INIP: variants seen among roughly 807,000 people sequenced by gnomAD.
The protein encoded by INIP is SOSS complex subunit C.
A neutral mutation model predicts 14.0 loss-of-function variants in INIP; 9 were observed. The ratio of observed to expected loss-of-function variants is 0.64; its 90% confidence interval spans 0.39 to 1.12. INIP has a LOEUF of 1.12. INIP is among the 50% of genes most tolerant of loss of function. The pLI, the probability that INIP is intolerant of heterozygous loss-of-function variation, is 0.01. For synonymous variants in INIP, 37 were observed against 41.5 expected, an observed-to-expected ratio of 0.89 and a Z score of 0.41; for missense variants, 78 against 122.7, an observed-to-expected ratio of 0.64 and a Z score of 1.72.
In INIP at chr9:112,684,330, A is replaced by C. The variant is rs953694166; in HGVS notation, c.*3208T>G. 11 of 152,036 alleles carry C rather than the reference A, an allele frequency of 7.2e-5. No individual in the cohort carries two copies. Among genetic ancestry groups the C allele is most frequent in the African/African-American group, 2.4e-4 (10 of 41,384 alleles). The allele number at this position is 152,036 out of a possible 1,614,324, so 9.4% of individuals were successfully genotyped here. ...GTGGGAGGATCGAGAGGACTGCTTG[A>C]GGCCAAGAGTTCAAGACCAGCCTGG... On this transcript the variant is annotated 3_prime_UTR_variant, in exon 5 of 5. Transcript: ENST00000374242.
intron 2 of INIP, among the ~76,000 whole-genome samples, chr9:112,696,350 G>A (rs887118090): frequency 3.9e-5 from 6 of 152,064 alleles, no homozygotes; most frequent in Non-Finnish European, 7.3e-5. Context: ...CGTCATGACT[G>A]GCTCCACCCA....
chr9:112,693,414 G>A (rs1837962560), intron 3 of INIP, among the ~76,000 whole-genome samples: 1 of 152,056 alleles, frequency 6.6e-6, no homozygotes, highest in Admixed American at 6.6e-5. Flanking sequence ...TACTCCATTC[G>A]TTTTCTCCAT....
In INIP at chr9:112,689,574, G is replaced by A; in HGVS notation, c.172C>T (p.His58Tyr). Residue 58 changes from histidine (H) to tyrosine (Y), a missense_variant, in exon 4 of 5, where the codon CAC (histidine) becomes TAC (tyrosine). Physicochemically the swap from His to Tyr is moderately conservative, Grantham distance 83. Transcript: ENST00000374242. ...GCTGCAATATGCTGCTGCTCAGCGTGATCCCGGAAGTCCTTATTAAGAGAG... is the reference window on the plus strand; with the variant it reads ...GCTGCAATATGCTGCTGCTCAGCGTAATCCCGGAAGTCCTTATTAAGAGAG... ...RPSLNKDFRD[H>Y]AEQQHIAAQQ... 1 of 1,614,178 alleles carries A rather than the reference G, an allele frequency of 6.2e-7. No homozygotes were observed. Among genetic ancestry groups the A allele is most frequent in the African/African-American group, 1.3e-5 (1 of 75,056 alleles).
At chr9:112,704,067 C>T (rs908534420) in intron 2 of INIP, among the ~76,000 whole-genome samples, 10 of 152,144 alleles carry the variant, frequency 6.6e-5, no homozygotes, top group Non-Finnish European at 1.3e-4. Context: ...TAGCCGTATA[C>T]TTTTTTGTTT....
chr9:112,695,283 C>T (rs560571456), intron 2 of INIP, among the ~76,000 whole-genome samples: 2 of 145,100 alleles, frequency 1.4e-5, no homozygotes, highest in Non-Finnish European at 3.0e-5. Flanking sequence ...AAGATAAGGA[C>T]GATGATGGCT....
chr9:112,694,218 T>C lies in INIP; in HGVS notation c.41A>G (p.Asn14Ser). The C allele has an allele frequency of 6.2e-7, 1 of 1,606,590 alleles. No homozygotes were observed. The highest frequency in any genetic ancestry group is 8.5e-7 in the Non-Finnish European group (1 of 1,176,390). Residue 14 changes from asparagine (N) to serine (S), a missense_variant, in exon 3 of 5, where the codon AAT becomes AGT. Asn to Ser is a conservative substitution (Grantham distance 46). Coordinates refer to ENST00000374242, the MANE Select transcript of INIP (RefSeq NM_021218.3). ...NSSGQGFQNKNRVAILAELDK... is the reference protein window; with the variant it reads ...NSSGQGFQNKSRVAILAELDK... Reference sequence around the variant, plus strand: ...CAGTTCTGCCAAGATTGCAACTCTATTTTTGTTTTGAAAACCTAAAAAAAA... The same window carrying C: ...CAGTTCTGCCAAGATTGCAACTCTACTTTTGTTTTGAAAACCTAAAAAAAA...
Position 112,716,563 on chromosome 9 carries a change from A to G in INIP, c.-56-22T>C, listed in dbSNP as rs1177980205. 4.3e-6 allele frequency: 5 copies of G among 1,160,406 alleles called. No individual in the cohort carries two copies. The Admixed American group carries it at 5.1e-5, about 12-fold the overall frequency. The allele number at this position is 1,160,406 out of a possible 1,614,324, so 71.9% of individuals were successfully genotyped here. On this transcript the variant is annotated intron_variant, in intron 1 of 4. Transcript: ENST00000374242. ...TCACCTATAAAATATGTGTACACACATATACAATGCACCATATTTTAATCA... is the reference window on the plus strand; with the variant it reads ...TCACCTATAAAATATGTGTACACACGTATACAATGCACCATATTTTAATCA...
In INIP at chr9:112,689,612, G is replaced by A. The variant is rs1247992378; in HGVS notation, c.134C>T (p.Ala45Val). The A allele has an allele frequency of 6.2e-7, 1 of 1,613,426 alleles. No homozygotes were observed. The highest frequency in any genetic ancestry group is 2.2e-5 in the East Asian group (1 of 44,878). ...CTTATTAAGAGAGGGTCTCGAGAGT[G>A]CAATGCTAAAATGGGAATCTTGGTT... ...SSTNHPGASI[A>V]LSRPSLNKDF... Residue 45 changes from alanine (A) to valine (V), a missense_variant, in exon 4 of 5, where the codon GCA (alanine) becomes GTA (valine). Ala to Val is a moderately conservative substitution (Grantham distance 64). Coordinates refer to ENST00000374242, the MANE Select transcript of INIP (RefSeq NM_021218.3).
At chr9:112,703,976 C>A (rs562703687) in intron 2 of INIP, among the ~76,000 whole-genome samples, 65 of 152,122 alleles carry the variant, frequency 4.3e-4, no homozygotes, top group Non-Finnish European at 9.0e-4. Context: ...TATCCAATGT[C>A]TTATTATATT....
chr9:112,711,172 A>G (rs908662424), intron 2 of INIP, among the ~76,000 whole-genome samples: 1 of 151,578 alleles, frequency 6.6e-6, no homozygotes, highest in Non-Finnish European at 1.5e-5. Context: ...CCTGCCTCTT[A>G]AAAAAAAATT....
chr9:112,695,429 G>A (rs1301739056), intron 2 of INIP, among the ~76,000 whole-genome samples: 1 of 152,040 alleles, frequency 6.6e-6, no homozygotes, highest in Non-Finnish European at 1.5e-5. Flanking sequence ...TAAACAGGAA[G>A]AATTAGGTGG....
intron 2 of INIP, among the ~76,000 whole-genome samples, chr9:112,697,409 G>T (rs1451646563): frequency 6.6e-6 from 1 of 152,166 alleles, no homozygotes; most frequent in Admixed American, 6.5e-5. Context: ...GGTTATTCAA[G>T]ACCTTATGTC....
chr9:112,693,449 C>A (rs981535827), intron 3 of INIP, among the ~76,000 whole-genome samples: 6 of 152,140 alleles, frequency 3.9e-5, no homozygotes, highest in Non-Finnish European at 7.3e-5. Context: ...AGTTTCCCAC[C>A]CCAAGAAGCC....
At chr9:112,701,829 C>A in intron 2 of INIP, 1 of 151,472 alleles carries the variant, frequency 6.6e-6, no homozygotes. Flanking sequence ...GCAGGAGGAT[C>A]ACCTGAGGCC....
intron 4 of INIP, among the ~76,000 whole-genome samples, chr9:112,688,625 A>G (rs62575234): frequency 0.073 from 11,130 of 152,190 alleles, 517 homozygotes; most frequent in South Asian, 0.11. Flanking sequence ...GTTTGAGACC[A>G]GTCTGGGCAA....
At chr9:112,700,809 A>C (rs112556813) in intron 2 of INIP, among the ~76,000 whole-genome samples, 24 of 151,760 alleles carry the variant, frequency 1.6e-4, no homozygotes, top group African/African-American at 5.3e-4. Context: ...CCCTGTTTCC[A>C]TGGAAATCAA....
chr9:112,705,731 A>T (rs764963841), intron 2 of INIP, among the ~76,000 whole-genome samples: 2 of 152,234 alleles, frequency 1.3e-5, no homozygotes, highest in Non-Finnish European at 1.5e-5. Context: ...ATATCTTCAG[A>T]CATTAAAGAA....
At chr9:112,702,834 A>G (rs1838344464) in intron 2 of INIP, among the ~76,000 whole-genome samples, 1 of 152,204 alleles carries the variant, frequency 6.6e-6, no homozygotes, top group Non-Finnish European at 1.5e-5. Context: ...AAGTGCTGGG[A>G]TTACAGGCAT....
rs545565339 is a variant in INIP, at chr9:112,684,575, A to G, written c.*2963T>C. 1 of 152,190 alleles carries G rather than the reference A, an allele frequency of 6.6e-6. No homozygotes were observed. The highest frequency in any genetic ancestry group is 2.4e-5 in the African/African-American group (1 of 41,496). 9.4% of individuals were successfully genotyped at this position (152,190 alleles called of 1,614,324 possible). On this transcript the variant is annotated 3_prime_UTR_variant, in exon 5 of 5. Coordinates refer to ENST00000374242, the MANE Select transcript of INIP (RefSeq NM_021218.3). ...GTCTCTTAAAAAACCAACACAATAC[A>G]AAGTAAAATATAGGAACACACAGAA...
Sources: gnomAD v4.1 joint callset for allele counts (sites outside exome capture counted in the v4.1 genomes callset) on GRCh38, gnomAD v4.1.1 for gene constraint, MANE v1.5 for transcripts, NCBI Gene and HGNC (gene_info 2026-07-23, HGNC 2026-07-21) for gene names.